Variants in TRMT10B observed in about 807,000 individuals in gnomAD.
TRMT10B encodes the protein tRNA methyltransferase 10 homolog B.
In TRMT10B, 33 loss-of-function variants were observed where a neutral mutation model predicts 43.8. The observed-to-expected ratio is 0.75, with a 90% CI of 0.57 to 1.01. The LOEUF (loss-of-function observed/expected upper bound fraction) is 1.01. TRMT10B is among the 50% of genes least tolerant of loss of function. The probability of loss-of-function intolerance (pLI) is 0.00; values close to 1 mark genes in which losing one functional copy is unlikely to be tolerated. For missense variants in TRMT10B, 362 were observed against 369.8 expected (o/e 0.98, Z 0.17); for synonymous variants, 137 against 130.6 (o/e 1.05, Z -0.34).
At chr9:37,767,288 A>C (rs1827073329) in intron 4 of TRMT10B, 1 of 151,950 alleles carries the variant, frequency 6.6e-6, no homozygotes, top group Non-Finnish European at 1.5e-5. Context: ...GGCCGAGGCA[A>C]GAGGATCACT....
At position 37,761,903 on chromosome 9, in the gene TRMT10B, T is replaced by C; in HGVS notation, c.-29T>C. On this transcript the variant is annotated splice_region_variant and 5_prime_UTR_variant, in exon 2 of 9. Transcript: ENST00000297994. ...CTCACATAATTGTGCCTTTTTCCAG[T>C]CTGGTGGAAAGGACAGAGGACTAAG... 1 of 1,580,778 alleles carries C rather than the reference T, an allele frequency of 6.3e-7. No individual in the cohort carries two copies. Among genetic ancestry groups the C allele is most frequent in the Non-Finnish European group, 8.6e-7 (1 of 1,157,938 alleles).
In TRMT10B at chr9:37,761,954, G is replaced by A; in HGVS notation, c.23G>A (p.Ser8Asn). 2 of 1,613,636 alleles carry A rather than the reference G, an allele frequency of 1.2e-6. No individual in the cohort carries two copies. The highest frequency in any genetic ancestry group is 1.7e-6 in the Non-Finnish European group (2 of 1,179,690). Reference sequence around the variant, plus strand: ...TCCATGGACTGGAAATTGGAAGGGAGTACTCAGAAAGTAGAGTCACCTGTG... The same window carrying A: ...TCCATGGACTGGAAATTGGAAGGGAATACTCAGAAAGTAGAGTCACCTGTG... MDWKLEGSTQKVESPVLQ... is the reference protein window; with the variant it reads MDWKLEGNTQKVESPVLQ... The change falls in exon 2 of 9, where the codon AGT becomes AAT. Residue 8 changes from serine to asparagine, a missense_variant. Coordinates refer to ENST00000297994, the MANE Select transcript of TRMT10B (RefSeq NM_144964.4).
intron 3 of TRMT10B, among the ~76,000 whole-genome samples, chr9:37,763,330 GTTA>G (rs1826621063): frequency 6.6e-6 from 1 of 152,106 alleles, no homozygotes; most frequent in African/African-American, 2.4e-5. Flanking sequence ...AAGAGGAGCT[GTTA>G]TTATCATTCC....
Position 37,762,407 on chromosome 9 carries a change from C to T in TRMT10B, c.187-170C>T. 2.9e-6 allele frequency: 3 copies of T among 1,018,194 alleles called. No individual in the cohort carries two copies. The South Asian group carries it at 5.9e-5, about 20-fold the overall frequency. The allele number at this position is 1,018,194 out of a possible 1,614,324, so 63.1% of individuals were successfully genotyped here. A position where few individuals can be genotyped will look rare whatever the true frequency, so the allele number is the denominator to read the frequency against. ...CCAGGTCATGTCTCTTTTTCTGGGG[C>T]TCTGTTTTCTCTAAACACGATCCAG... On this transcript the variant is annotated intron_variant, in intron 2 of 8. Transcript: ENST00000297994.
At chr9:37,768,380 T>G (rs1827212069) in intron 5 of TRMT10B, 152 bp downstream of exon 5, 1 of 844,984 alleles carries the variant, frequency 1.2e-6, no homozygotes, top group African/African-American at 1.7e-5. Context: ...ATTTAAAATT[T>G]TTTCTCATCC....
chr9:37,769,308 TA>T (rs57651814), intron 5 of TRMT10B, among the ~76,000 whole-genome samples: 1,865 of 60,474 alleles, frequency 0.031, 23 homozygotes, highest in African/African-American at 0.051. Context: ...ACCCTGTCTT[TA>T]AAAAAAAAAA....
At position 37,762,095 on chromosome 9, in the gene TRMT10B, C is replaced by CA. The variant is rs772777732; in HGVS notation, c.165dup (p.Gly56ArgfsTer89). The CA allele has an allele frequency of 6.2e-7, 1 of 1,613,806 alleles. No individual in the cohort carries two copies. The highest frequency in any genetic ancestry group is 8.5e-7 in the Non-Finnish European group (1 of 1,179,848). ...TGCCAGGAGGGAGAGATCCTGGCCACAGGCAGTACGGCATGGTGCTCGGTG... is the reference window on the plus strand; with the variant it reads ...TGCCAGGAGGGAGAGATCCTGGCCACAAGGCAGTACGGCATGGTGCTCGGTG... On this transcript the variant is annotated frameshift_variant, in exon 2 of 9. Coordinates refer to ENST00000297994, the MANE Select transcript of TRMT10B (RefSeq NM_144964.4). LOFTEE classifies it high-confidence loss of function.
At chr9:37,770,783 GCTTA>G in intron 7 of TRMT10B, 44 bp downstream of exon 7, 1 of 1,599,044 alleles carries the variant, frequency 6.3e-7, no homozygotes, top group Non-Finnish European at 8.6e-7. Context: ...AAAAAGCAGT[GCTTA>G]CTTTTAGAGG....
At chr9:37,754,572 G>A (rs1055173370) in intron 1 of TRMT10B, among the ~76,000 whole-genome samples, 12 of 152,228 alleles carry the variant, frequency 7.9e-5, no homozygotes, top group African/African-American at 2.2e-4. Flanking sequence ...CGGGTACTGA[G>A]GGTGTACAGG....
rs1405242377 is a variant in TRMT10B, at chr9:37,778,630, CAA to C, written c.*924_*925del. The C allele has an allele frequency of 6.6e-6, 1 of 152,170 alleles. No homozygotes were observed. Among genetic ancestry groups the C allele is most frequent in the Non-Finnish European group, 1.5e-5 (1 of 68,036 alleles). 9.4% of individuals were successfully genotyped at this position (152,170 alleles called of 1,614,324 possible). On this transcript the variant is annotated 3_prime_UTR_variant, in exon 9 of 9. Coordinates refer to ENST00000297994, the MANE Select transcript of TRMT10B (RefSeq NM_144964.4). ...CTTGAAATTGTTTAAATGGTTACAT[CAA>C]GAGTTTAATATTCACTAAACTGGCA...
intron 7 of TRMT10B, among the ~76,000 whole-genome samples, chr9:37,771,215 T>C (rs1226296027): frequency 2.0e-5 from 3 of 152,200 alleles, no homozygotes; most frequent in African/African-American, 7.2e-5. Flanking sequence ...GTTTGTTATA[T>C]AGCTGTTTAA....
At chr9:37,763,877 G>A (rs766722261) in intron 4 of TRMT10B, 124 bp downstream of exon 4, 1 of 1,568,352 alleles carries the variant, frequency 6.4e-7, no homozygotes, top group South Asian at 1.1e-5. Context: ...TAAAGTGTTT[G>A]ATTTTCTATA....
upstream of TRMT10B, among the ~76,000 whole-genome samples, chr9:37,753,032 C>T (rs943788804): frequency 2.0e-5 from 3 of 152,074 alleles, no homozygotes; most frequent in African/African-American, 4.8e-5. Context: ...TCTGTATTTG[C>T]AGCTCTTTCT....
intron 7 of TRMT10B, 32 bp downstream of exon 7, chr9:37,770,771 T>G: frequency 3.7e-6 from 6 of 1,610,254 alleles, no homozygotes; most frequent in Non-Finnish European, 3.4e-6. Flanking sequence ...AACATCTGTT[T>G]TAAAAAGCAG....
At chr9:37,756,447 C>G (rs1363172064) in intron 1 of TRMT10B, among the ~76,000 whole-genome samples, 1 of 151,692 alleles carries the variant, frequency 6.6e-6, no homozygotes, top group Non-Finnish European at 1.5e-5. Flanking sequence ...TGGCTCACTC[C>G]TGTAATCCCA....
rs569504172 is a variant in TRMT10B, at chr9:37,763,272, T to G, written c.296-357T>G. On this transcript the variant is annotated intron_variant, in intron 3 of 8. Coordinates refer to ENST00000297994, the MANE Select transcript of TRMT10B (RefSeq NM_144964.4). ...AGCAACAGCTAATATTTATTCAGTATTCTGTGTTAGGTTCAGTTCTAAGAA... is the reference window on the plus strand; with the variant it reads ...AGCAACAGCTAATATTTATTCAGTAGTCTGTGTTAGGTTCAGTTCTAAGAA... 2.0e-5 allele frequency among the ~76,000 whole-genome samples: 3 copies of G among 152,268 alleles called. No homozygotes were observed. In the East Asian group the frequency reaches 5.8e-4, roughly 29 times the overall value.
At chr9:37,762,498 G>A in intron 2 of TRMT10B, 79 bp from the exon 3 acceptor site, 3 of 1,499,778 alleles carry the variant, frequency 2.0e-6, no homozygotes, top group East Asian at 2.5e-5. Flanking sequence ...TAAGAAAAAA[G>A]CAAATGTTTC....
At chr9:37,773,105 G>C (rs916058766) in intron 7 of TRMT10B, among the ~76,000 whole-genome samples, 1 of 152,122 alleles carries the variant, frequency 6.6e-6, no homozygotes, top group Non-Finnish European at 1.5e-5. Context: ...CTTTGAAATG[G>C]TTTGGCAAAT....
At chr9:37,765,458 A>G (rs566281596) in intron 4 of TRMT10B, among the ~76,000 whole-genome samples, 2 of 151,804 alleles carry the variant, frequency 1.3e-5, no homozygotes, top group East Asian at 1.9e-4. Context: ...ATACTATTCC[A>G]TGGTATATAT....
Sources: gnomAD v4.1 joint callset for allele counts (sites outside exome capture counted in the v4.1 genomes callset) on GRCh38, gnomAD v4.1.1 for gene constraint, MANE v1.5 for transcripts, NCBI Gene and HGNC (gene_info 2026-07-23, HGNC 2026-07-21) for gene names.